SLC4A4: variants seen among roughly 807,000 people sequenced by gnomAD.
SLC4A4 encodes the protein electrogenic sodium bicarbonate cotransporter 1.
A neutral mutation model predicts 111.5 loss-of-function variants in SLC4A4; 27 were observed. The observed-to-expected ratio is 0.24, with a 90% CI of 0.18 to 0.33. SLC4A4 has a LOEUF of 0.33. Ranked by LOEUF, SLC4A4 falls within the 10% of genes least tolerant of loss-of-function variation. The probability of loss-of-function intolerance (pLI) is 1.00; values close to 1 mark genes in which losing one functional copy is unlikely to be tolerated. For missense variants in SLC4A4, 909 were observed against 1,315.5 expected (o/e 0.69, Z 4.78); for synonymous variants, 443 against 463.4 (o/e 0.96, Z 0.57).
At position 71,569,677 on chromosome 4, in the gene SLC4A4, C is replaced by T. The variant is rs1395246128; in HGVS notation, c.*1926C>T. The T allele has an allele frequency of 6.6e-6, 1 of 151,504 alleles. No individual in the cohort carries two copies. Among genetic ancestry groups the T allele is most frequent in the South Asian group, 2.1e-4 (1 of 4,822 alleles). The allele number at this position is 151,504 out of a possible 1,614,324, so 9.4% of individuals were successfully genotyped here. ...GGGTATACTAGAAGCAGAATGAAAC[C>T]ACATTTTTTGGTTTGATAATATGCA... On this transcript the variant is annotated 3_prime_UTR_variant, in exon 26 of 26. Coordinates refer to ENST00000264485, the MANE Select transcript of SLC4A4 (RefSeq NM_001098484.3).
intron 3 of SLC4A4, among the ~76,000 whole-genome samples, chr4:71,338,569 T>C (rs866989623): frequency 1.5e-4 from 22 of 151,042 alleles, no homozygotes; most frequent in Admixed American, 2.0e-4. Context: ...TCTTCTTCTT[T>C]TTTTTTTTTT....
At chr4:71,484,692 A>G (rs373032970) in intron 14 of SLC4A4, among the ~76,000 whole-genome samples, 13 of 151,848 alleles carry the variant, frequency 8.6e-5, no homozygotes, top group South Asian at 2.1e-4. Context: ...CACATTGAGA[A>G]GAATCTCAGT....
At chr4:71,230,375 A>G (rs1273803392) in intron 1 of SLC4A4, among the ~76,000 whole-genome samples, 5 of 151,660 alleles carry the variant, frequency 3.3e-5, no homozygotes, top group Admixed American at 3.3e-4. Flanking sequence ...TAATAATAAA[A>G]CTCTTCACTT....
intron 2 of SLC4A4, among the ~76,000 whole-genome samples, chr4:71,180,341 A>G (rs1029016900): frequency 4.6e-5 from 7 of 152,362 alleles, no homozygotes; most frequent in African/African-American, 1.4e-4. Context: ...AAAAGCCAAA[A>G]TTGACAAATG....
chr4:71,335,549 G>A (rs1728361310), intron 3 of SLC4A4, among the ~76,000 whole-genome samples: 3 of 152,216 alleles, frequency 2.0e-5, no homozygotes, highest in Admixed American at 2.0e-4. Context: ...TTTCAGGCCA[G>A]GTGCAGTGGC....
chr4:71,383,909 C>A (rs1718410581), intron 6 of SLC4A4, among the ~76,000 whole-genome samples: 1 of 152,174 alleles, frequency 6.6e-6, no homozygotes, highest in African/African-American at 2.4e-5. Context: ...CGCTCTGTCG[C>A]CTTCCAGTCA....
chr4:71,267,303 C>T (rs1282784964), intron 3 of SLC4A4, among the ~76,000 whole-genome samples: 1 of 151,944 alleles, frequency 6.6e-6, no homozygotes, highest in Non-Finnish European at 1.5e-5. Context: ...GGAAAGGCTT[C>T]TCTGAGAAAG....
chr4:71,178,063 C>G (rs1203752312), intron 2 of SLC4A4, among the ~76,000 whole-genome samples: 1 of 152,122 alleles, frequency 6.6e-6, no homozygotes, highest in Non-Finnish European at 1.5e-5. Context: ...ACTGAACAAC[C>G]TGCTCCTGAA....
chr4:71,121,393 G>A lies in SLC4A4; in HGVS notation c.-2+28601G>A, dbSNP rs576100849. 3.5e-3 allele frequency among the ~76,000 whole-genome samples: 536 copies of A among 152,336 alleles called. 5 individuals are homozygous for A. Among genetic ancestry groups the A allele is most frequent in the African/African-American group, 0.012 (507 of 41,584 alleles). On this transcript the variant is annotated intron_variant, in intron 2 of 26. Transcript: ENST00000649996. ...GGGACTGGCGGGCAGCTCCGCCCGC[G>A]GCCCTGGCACTGCATCCACTAGGCA...
chr4:71,269,559 T>C (rs982324400), intron 3 of SLC4A4, among the ~76,000 whole-genome samples: 4 of 152,208 alleles, frequency 2.6e-5, no homozygotes, highest in Non-Finnish European at 5.9e-5. Flanking sequence ...TAACTTCTTT[T>C]TGGCATATTG....
intron 5 of SLC4A4, 91 bp from the exon 6 acceptor site, chr4:71,356,917 A>G: frequency 8.5e-7 from 1 of 1,180,706 alleles, no homozygotes; most frequent in South Asian, 1.3e-5. Flanking sequence ...TTGCTATTAA[A>G]TTTGAGGGTG....
At chr4:71,397,761 T>G in intron 7 of SLC4A4, 108 bp downstream of exon 7, 1 of 947,960 alleles carries the variant, frequency 1.1e-6, no homozygotes, top group East Asian at 2.5e-5. Context: ...GACCTTTACG[T>G]GCAGACAACA....
At chr4:71,464,262 G>T (rs1331130413) in intron 12 of SLC4A4, among the ~76,000 whole-genome samples, 1 of 152,174 alleles carries the variant, frequency 6.6e-6, no homozygotes, top group African/African-American at 2.4e-5. Flanking sequence ...AAGACTTGTT[G>T]TGTCACATTG....
intron 18 of SLC4A4, among the ~76,000 whole-genome samples, chr4:71,541,236 C>A (rs1403636504): frequency 1.3e-5 from 2 of 152,116 alleles, no homozygotes; most frequent in Non-Finnish European, 2.9e-5. Context: ...TCACTTTAAA[C>A]AGGGAAGTGG....
At chr4:71,460,735 C>T (rs1470493121) in intron 12 of SLC4A4, among the ~76,000 whole-genome samples, 1 of 152,086 alleles carries the variant, frequency 6.6e-6, no homozygotes, top group Admixed American at 6.6e-5. Context: ...TACTGATATT[C>T]TGAAGGAGAA....
chr4:71,376,156 TAC>T (rs146405766), intron 6 of SLC4A4, among the ~76,000 whole-genome samples: 2,348 of 135,514 alleles, frequency 0.017, 46 homozygotes, highest in African/African-American at 0.048. Context: ...CCTGTATATA[TAC>T]ACACACACAC....
At chr4:71,162,323 G>A (rs1578539069) in intron 2 of SLC4A4, among the ~76,000 whole-genome samples, 1 of 152,142 alleles carries the variant, frequency 6.6e-6, no homozygotes, top group South Asian at 2.1e-4. Flanking sequence ...ATCCAGGGTG[G>A]CCTGACTCCA....
chr4:71,541,299 G>T (rs1254346066), intron 18 of SLC4A4, among the ~76,000 whole-genome samples: 9 of 152,162 alleles, frequency 5.9e-5, no homozygotes, highest in Non-Finnish European at 1.3e-4. Flanking sequence ...AGAGTGGGTT[G>T]TCAGGGACAA....
chr4:71,149,779 G>T (rs1035340314), intron 2 of SLC4A4, among the ~76,000 whole-genome samples: 1 of 152,094 alleles, frequency 6.6e-6, no homozygotes, highest in Non-Finnish European at 1.5e-5. Flanking sequence ...GTTTACTAAT[G>T]GCTTTTCTGT....
Sources: gnomAD v4.1 joint callset for allele counts (sites outside exome capture counted in the v4.1 genomes callset) on GRCh38, gnomAD v4.1.1 for gene constraint, MANE v1.5 for transcripts, NCBI Gene and HGNC (gene_info 2026-07-23, HGNC 2026-07-21) for gene names.